XPO4: variants seen among roughly 807,000 people sequenced by gnomAD.
XPO4 encodes exportin 4, also known as exportin-4.
XPO4 carries 39 observed loss-of-function variants against 143.0 expected under a neutral mutation model. The observed-to-expected ratio is 0.27, with a 90% CI of 0.21 to 0.36. The LOEUF (loss-of-function observed/expected upper bound fraction) is 0.36. XPO4 is among the 10% of genes least tolerant of loss of function. The probability of loss-of-function intolerance (pLI) is 1.00; values close to 1 mark genes in which losing one functional copy is unlikely to be tolerated. For synonymous variants in XPO4, 439 were observed against 474.0 expected (o/e 0.93, Z 0.96); for missense variants, 907 against 1,348.0 (o/e 0.67, Z 5.12).
intron 9 of XPO4, among the ~76,000 whole-genome samples, chr13:20,816,511 T>C (rs1265684175): frequency 6.6e-6 from 1 of 152,228 alleles, no homozygotes; most frequent in African/African-American, 2.4e-5. Flanking sequence ...CTGACAGTAT[T>C]CCTGGTTTCT....
intron 9 of XPO4, among the ~76,000 whole-genome samples, chr13:20,817,629 A>G (rs900774412): frequency 1.3e-5 from 2 of 152,198 alleles, no homozygotes. Context: ...AGCTTCACCT[A>G]CTTGGCTGAA....
chr13:20,781,831 C>G lies in XPO4; in HGVS notation c.*1891G>C, dbSNP rs1231785782. 2 of 151,816 alleles carry G rather than the reference C, an allele frequency of 1.3e-5. No homozygotes were observed. The highest frequency in any genetic ancestry group is 4.8e-5 in the African/African-American group (2 of 41,298). The allele number at this position is 151,816 out of a possible 1,614,324, so 9.4% of individuals were successfully genotyped here. On this transcript the variant is annotated 3_prime_UTR_variant, in exon 23 of 23. Transcript: ENST00000255305. The stretch of plus-strand genomic sequence containing the variant: ...TGAGGGATCTGGGAAACACAAAACA[C>G]CAAGAACAATGCAAAACAAATAGAT...
At chr13:20,820,405 C>T (rs769864033) in intron 9 of XPO4, among the ~76,000 whole-genome samples, 1 of 152,144 alleles carries the variant, frequency 6.6e-6, no homozygotes, top group African/African-American at 2.4e-5. Context: ...CTAAAAGGAG[C>T]TTAGTTTCTA....
intron 13 of XPO4, among the ~76,000 whole-genome samples, chr13:20,805,706 TTC>T (rs1428554212): frequency 6.6e-6 from 1 of 152,234 alleles, no homozygotes; most frequent in African/African-American, 2.4e-5. Context: ...TACTTATTTA[TTC>T]TCTCTCCTTT....
At chr13:20,799,430 AAT>A in intron 15 of XPO4, 91 bp from the exon 16 acceptor site, 1 of 1,163,240 alleles carries the variant, frequency 8.6e-7, no homozygotes. Context: ...AAAAATAAAA[AAT>A]AACTAGATTT....
chr13:20,789,659 C>T (rs569130339), intron 19 of XPO4, among the ~76,000 whole-genome samples: 15 of 151,976 alleles, frequency 9.9e-5, no homozygotes, highest in Admixed American at 7.9e-4. Context: ...CCACCCACCT[C>T]GGCCTCCAAA....
At position 20,843,827 on chromosome 13, in the gene XPO4, T is replaced by C; in HGVS notation, c.516A>G (p.Lys172=). The change falls in exon 5 of 23, where the codon AAA becomes AAG. Residue 172 remains lysine, a synonymous_variant. Transcript: ENST00000255305. ...ALLSEFSSSS[K]TSNIGLSMEF... is the part of the protein sequence containing the mutation. ...CCATGCTCAATCCAATGTTGCTAGT[T>C]TTACTTGAACTTGAAAATTCACTCA... 1.9e-6 allele frequency: 3 copies of C among 1,613,492 alleles called. No homozygotes were observed. The highest frequency in any genetic ancestry group is 2.5e-6 in the Non-Finnish European group (3 of 1,179,814).
At chr13:20,884,247 G>A (rs73437487) in intron 1 of XPO4, among the ~76,000 whole-genome samples, 5,936 of 152,152 alleles carry the variant, frequency 0.039, 383 homozygotes, top group African/African-American at 0.13. Context: ...GGGCATGATG[G>A]CCTCCACCTG....
intron 3 of XPO4, among the ~76,000 whole-genome samples, chr13:20,861,581 C>T (rs916448065): frequency 1.5e-4 from 23 of 151,840 alleles, no homozygotes; most frequent in African/African-American, 5.6e-4. Context: ...TAGGCATGAG[C>T]CACCACATCA....
chr13:20,888,531 ATTTTTTG>A (rs1379448781), intron 1 of XPO4, among the ~76,000 whole-genome samples: 2 of 151,880 alleles, frequency 1.3e-5, no homozygotes. Context: ...TTTATTTTTT[ATTTTTTG>A]TAGAGACAGA....
At chr13:20,852,362 C>G in intron 4 of XPO4, 1 of 985,402 alleles carries the variant, frequency 1.0e-6, no homozygotes, top group Non-Finnish European at 1.2e-6. Context: ...CAAGTAGCAG[C>G]CTCAGTTGCA....
At position 20,807,555 on chromosome 13, in the gene XPO4, T is replaced by G. The variant is rs756644297; in HGVS notation, c.1719A>C (p.Ser573=). Residue 573 remains serine, a synonymous_variant, in exon 13 of 23, where the codon TCA becomes TCC. Coordinates refer to ENST00000255305, the MANE Select transcript of XPO4 (RefSeq NM_022459.5). ...GTGTTGTATTAATGTCAACTTCAGA[T>G]GAATGCTTAATGGAATATTCCATTA... The part of the protein sequence containing the change: ...PEIMEYSIKH[S]SEVDINTTLQ... The G allele has an allele frequency of 3.1e-6, 5 of 1,613,698 alleles. No homozygotes were observed. The highest frequency in any genetic ancestry group is 4.2e-6 in the Non-Finnish European group (5 of 1,179,842).
At chr13:20,851,474 C>A in intron 4 of XPO4, 1 of 968,872 alleles carries the variant, frequency 1.0e-6, no homozygotes, top group Non-Finnish European at 1.2e-6. Context: ...TTTGGGAGGC[C>A]AAGGTGGGCA....
rs1322114882 is a variant in XPO4, at chr13:20,902,490, C to CG, written c.69+179dup. ...GGGGACAGCTCCTGGAAGGAGGGGA[C>CG]GACGGCAGGAGGAAAGTAGGCTGAA... On this transcript the variant is annotated intron_variant, in intron 1 of 22. Coordinates refer to ENST00000255305, the MANE Select transcript of XPO4 (RefSeq NM_022459.5). 3 of 985,296 alleles carry CG rather than the reference C, an allele frequency of 3.0e-6. No individual in the cohort carries two copies. The African/African-American group carries it at 5.2e-5, about 17-fold the overall frequency. The allele number at this position is 985,296 out of a possible 1,614,324, so 61.0% of individuals were successfully genotyped here. A position where few individuals can be genotyped will look rare whatever the true frequency, so the allele number is the denominator to read the frequency against.
rs1398111483 is a variant in XPO4 at position 20,783,695 on chromosome 13, TC to T, written c.*26del. ...AATTCAGTGCACTTTGCAGAAAGGA[TC>T]TAAATTAAGCATAAAGTTCTGTTGT... On this transcript the variant is annotated 3_prime_UTR_variant, in exon 23 of 23. Coordinates refer to ENST00000255305, the MANE Select transcript of XPO4 (RefSeq NM_022459.5). The T allele has an allele frequency of 6.2e-7, 1 of 1,610,584 alleles. No homozygotes were observed. Among genetic ancestry groups the T allele is most frequent in the Non-Finnish European group, 8.5e-7 (1 of 1,176,758 alleles).
intron 3 of XPO4, among the ~76,000 whole-genome samples, chr13:20,856,656 TC>T (rs1274351577): frequency 1.3e-5 from 2 of 152,204 alleles, no homozygotes; most frequent in African/African-American, 4.8e-5. Flanking sequence ...TATTAGTCGT[TC>T]TTTATTTCAC....
At chr13:20,808,282 T>A (rs940949038) in intron 12 of XPO4, among the ~76,000 whole-genome samples, 154 bp downstream of exon 12, 2 of 152,216 alleles carry the variant, frequency 1.3e-5, no homozygotes, top group South Asian at 2.1e-4. Flanking sequence ...CAGTATTTTT[T>A]AAAAATGCAT....
chr13:20,846,544 T>C (rs940757128), intron 4 of XPO4, among the ~76,000 whole-genome samples: 5 of 152,218 alleles, frequency 3.3e-5, no homozygotes, highest in Admixed American at 6.5e-5. Context: ...AACAAGTACA[T>C]TCTTAATCGA....
intron 6 of XPO4, among the ~76,000 whole-genome samples, chr13:20,829,945 C>T (rs188634595): frequency 6.6e-6 from 1 of 152,134 alleles, no homozygotes; most frequent in East Asian, 1.9e-4. Context: ...AGCATATACT[C>T]TATTAATACT....
Sources: allele counts gnomAD v4.1 joint callset (sites outside exome capture counted in the v4.1 genomes callset), GRCh38; gene constraint gnomAD v4.1.1; transcripts MANE v1.5; gene names NCBI Gene and HGNC (gene_info 2026-07-23, HGNC 2026-07-21).